Variants in SPAG1 observed in about 807,000 individuals in gnomAD.
SPAG1 encodes the protein sperm associated antigen 1.
Under a neutral mutation model 100.5 loss-of-function variants are expected in SPAG1, and 69 were observed. That is an observed-to-expected ratio of 0.69 (90% CI 0.57 to 0.84). The LOEUF is 0.84. Ranked by LOEUF, SPAG1 falls within the 40% of genes least tolerant of loss-of-function variation. SPAG1 has a pLI of 0.00. For synonymous variants in SPAG1, 336 were observed against 411.6 expected, an observed-to-expected ratio of 0.82 and a Z score of 2.22; for missense variants, 955 against 1,133.1, an observed-to-expected ratio of 0.84 and a Z score of 2.26.
At position 100,225,356 on chromosome 8, in the gene SPAG1, C is replaced by G. The variant is rs768757503; in HGVS notation, c.1855+17C>G. On this transcript the variant is annotated intron_variant, in intron 14 of 18. Coordinates refer to ENST00000388798, the MANE Select transcript of SPAG1 (RefSeq NM_003114.5). Reference sequence around the variant, plus strand: ...GCATCACAGGTGGGGGATGCCTGCACTCATTTCTTCTCAAGGTTACCTTGA... The same window carrying G: ...GCATCACAGGTGGGGGATGCCTGCAGTCATTTCTTCTCAAGGTTACCTTGA... 5 of 1,609,940 alleles carry G rather than the reference C, an allele frequency of 3.1e-6. No homozygotes were observed. In the South Asian group the frequency reaches 5.5e-5, roughly 18 times the overall value.
At chr8:100,211,920 T>C (rs1817733594) in intron 10 of SPAG1, among the ~76,000 whole-genome samples, 1 of 152,218 alleles carries the variant, frequency 6.6e-6, no homozygotes, top group Non-Finnish European at 1.5e-5. Flanking sequence ...CCATTGTTTC[T>C]GCCGACCCTG....
intron 10 of SPAG1, among the ~76,000 whole-genome samples, chr8:100,197,938 C>T (rs919488288): frequency 5.3e-5 from 8 of 152,256 alleles, no homozygotes; most frequent in Non-Finnish European, 1.2e-4. Context: ...ATGATTACAC[C>T]TGGGGATTTG....
chr8:100,240,922 A>G lies in SPAG1; in HGVS notation c.2681A>G (p.Lys894Arg), dbSNP rs983071283. The change falls in exon 19 of 19, where the codon AAG becomes AGG. Residue 894 changes from lysine (K) to arginine (R), a missense_variant. By Grantham distance (26) the Lys-to-Arg change is conservative. Coordinates refer to ENST00000388798, the MANE Select transcript of SPAG1 (RefSeq NM_003114.5). ...MMLTLISKGQ[K>R]ELIEQLFEDL... ...TTGACACTAATTAGCAAGGGCCAAA[A>G]GGAGCTAATTGAACAGCTGTTTGAG... 1 of 1,612,162 alleles carries G rather than the reference A, an allele frequency of 6.2e-7. No homozygotes were observed. The highest frequency in any genetic ancestry group is 1.3e-5 in the African/African-American group (1 of 74,726).
At chr8:100,170,823 T>C (rs937357221) in intron 3 of SPAG1, among the ~76,000 whole-genome samples, 3 of 148,552 alleles carry the variant, frequency 2.0e-5, no homozygotes, top group African/African-American at 7.6e-5. Context: ...ATTTATTTAT[T>C]TATTTATTTA....
At chr8:100,166,247 T>C (rs1021615049) in intron 3 of SPAG1, among the ~76,000 whole-genome samples, 5 of 152,168 alleles carry the variant, frequency 3.3e-5, no homozygotes, top group African/African-American at 1.2e-4. Flanking sequence ...TATAAACATG[T>C]TTATTTGTAA....
chr8:100,172,916 A>G (rs981838750), intron 3 of SPAG1, among the ~76,000 whole-genome samples: 3 of 151,978 alleles, frequency 2.0e-5, no homozygotes, highest in Admixed American at 6.6e-5. Flanking sequence ...CTACCAGTCA[A>G]AAATAGCACT....
At chr8:100,225,415 A>T (rs1225394831) in intron 14 of SPAG1, 76 bp downstream of exon 14, 11 of 1,329,434 alleles carry the variant, frequency 8.3e-6, no homozygotes, top group Non-Finnish European at 9.5e-6. Flanking sequence ...AAGCAGAGAG[A>T]TAAGAGCATT....
At chr8:100,197,324 G>GT (rs1817076800) in intron 10 of SPAG1, among the ~76,000 whole-genome samples, 1 of 152,038 alleles carries the variant, frequency 6.6e-6, no homozygotes, top group Admixed American at 6.6e-5. Flanking sequence ...TTTAAGACCA[G>GT]TAAGTTCCCT....
At chr8:100,237,431 G>A (rs954678157) in intron 16 of SPAG1, among the ~76,000 whole-genome samples, 2 of 152,136 alleles carry the variant, frequency 1.3e-5, no homozygotes, top group African/African-American at 2.4e-5. Context: ...TCTGACACCT[G>A]TAACTGTAGA....
chr8:100,225,097 T>C, intron 13 of SPAG1, 76 bp from the exon 14 acceptor site: 1 of 1,267,450 alleles, frequency 7.9e-7, no homozygotes, highest in South Asian at 1.3e-5. Flanking sequence ...ATTTGCAAAT[T>C]TTATTCTTAA....
At chr8:100,221,246 A>G (rs1818264552) in intron 13 of SPAG1, among the ~76,000 whole-genome samples, 1 of 152,144 alleles carries the variant, frequency 6.6e-6, no homozygotes, top group African/African-American at 2.4e-5. Context: ...AGGAGAATGG[A>G]TGTCTTCATG....
intron 10 of SPAG1, among the ~76,000 whole-genome samples, chr8:100,196,261 C>T (rs557092901): frequency 1.3e-3 from 191 of 152,290 alleles, no homozygotes; most frequent in Non-Finnish European, 2.4e-3. Flanking sequence ...CTGGGTCATA[C>T]GGCAAGTATA....
intron 5 of SPAG1, 132 bp downstream of exon 5, chr8:100,183,568 C>T (rs1816459727): frequency 2.0e-6 from 1 of 493,768 alleles, no homozygotes; most frequent in Non-Finnish European, 3.6e-6. Context: ...CAATAGAGTA[C>T]TGAGAATATC....
Position 100,191,420 on chromosome 8 carries a change from A to G in SPAG1, c.863A>G (p.His288Arg), listed in dbSNP as rs1410831081. The change falls in exon 9 of 19, where the codon CAT becomes CGT. Residue 288 changes from histidine to arginine, a missense_variant. His to Arg is a conservative substitution (Grantham distance 29). Transcript: ENST00000388798. ...CTGCGTCGTGCTACTACATATAAAC[A>G]TCAAAACAAGCTCCGGGAAGCTACA... ...ALLRRATTYK[H>R]QNKLREATED... 1.9e-6 allele frequency: 3 copies of G among 1,613,928 alleles called. No individual in the cohort carries two copies. The highest frequency in any genetic ancestry group is 8.5e-7 in the Non-Finnish European group (1 of 1,179,938).
intron 16 of SPAG1, among the ~76,000 whole-genome samples, chr8:100,237,713 T>C (rs1008888610): frequency 2.6e-5 from 4 of 152,206 alleles, no homozygotes; most frequent in Non-Finnish European, 4.4e-5. Flanking sequence ...ATTCTGTCTA[T>C]GCCCTTGCTG....
At chr8:100,165,037 C>T (rs1417383627) in intron 2 of SPAG1, among the ~76,000 whole-genome samples, 1 of 152,182 alleles carries the variant, frequency 6.6e-6, no homozygotes, top group Non-Finnish European at 1.5e-5. Flanking sequence ...CACTATTACC[C>T]TTAATTCATA....
Position 100,184,736 on chromosome 8 carries a change from G to T in SPAG1, c.701+3G>T, listed in dbSNP as rs561006335. The T allele has an allele frequency of 9.9e-5, 152 of 1,542,466 alleles. 2 individuals carry two copies. In the South Asian group the frequency reaches 1.8e-3, roughly 18 times the overall value. On this transcript the variant is annotated splice_donor_region_variant and intron_variant, in intron 7 of 18. Coordinates refer to ENST00000388798, the MANE Select transcript of SPAG1 (RefSeq NM_003114.5). ...GAAGCAGTGATGTATTATACCAGGT[G>T]AGCAGATGTTTGTTGGGGTTTAAAC...
chr8:100,223,277 G>T (rs1003698220), intron 13 of SPAG1, among the ~76,000 whole-genome samples: 1 of 152,044 alleles, frequency 6.6e-6, no homozygotes. Context: ...GTTCCTTTTC[G>T]TATATGCCTA....
chr8:100,209,803 TATAGAAAC>T (rs1433479274), intron 10 of SPAG1, among the ~76,000 whole-genome samples: 1 of 152,086 alleles, frequency 6.6e-6, no homozygotes, highest in East Asian at 1.9e-4. Flanking sequence ...ATTGCTAGTG[TATAGAAAC>T]ACTGATTTTG....
Sources: gnomAD v4.1 joint callset for allele counts (sites outside exome capture counted in the v4.1 genomes callset) on GRCh38, gnomAD v4.1.1 for gene constraint, MANE v1.5 for transcripts, NCBI Gene and HGNC (gene_info 2026-07-23, HGNC 2026-07-21) for gene names.